Variants in STXBP5L observed in about 807,000 individuals in gnomAD.
STXBP5L encodes syntaxin-binding protein 5-like.
Under a neutral mutation model 144.5 loss-of-function variants are expected in STXBP5L, and 65 were observed. That is an observed-to-expected ratio of 0.45 (90% confidence interval 0.37 to 0.55). STXBP5L has a LOEUF of 0.55. Among genes scored for constraint, STXBP5L ranks in the 20% least tolerant of loss-of-function variants. STXBP5L has a pLI of 0.00. For synonymous variants in STXBP5L, 505 were observed against 469.6 expected (o/e 1.08, Z -0.97); for missense variants, 1,298 against 1,405.5 (o/e 0.92, Z 1.22).
At position 121,419,292 on chromosome 3, in the gene STXBP5L, A is replaced by G; in HGVS notation, c.*195A>G. On this transcript the variant is annotated 3_prime_UTR_variant, in exon 27 of 27. Coordinates refer to ENST00000471454, the MANE Select transcript of STXBP5L (RefSeq NM_001308330.2). ...AGGCTGGAGCCCTGGTTAAAATCCC[A>G]AAATACGGCTGAATTTGCCTTTTCC... 1 of 500,298 alleles carries G rather than the reference A, an allele frequency of 2.0e-6. No homozygotes were observed. Among genetic ancestry groups the G allele is most frequent in the Non-Finnish European group, 3.4e-6 (1 of 294,498 alleles). The allele number at this position is 500,298 out of a possible 1,614,324, so 31.0% of individuals were successfully genotyped here. A position where few individuals can be genotyped will look rare whatever the true frequency, so the allele number is the denominator to read the frequency against.
At chr3:121,123,048 T>C (rs971272969) in intron 7 of STXBP5L, among the ~76,000 whole-genome samples, 6 of 151,644 alleles carry the variant, frequency 4.0e-5, no homozygotes, top group South Asian at 2.1e-4. Context: ...AAAGATGATT[T>C]TAAGAGTTGA....
chr3:120,958,706 C>G (rs1051501783), intron 3 of STXBP5L, among the ~76,000 whole-genome samples: 39 of 152,002 alleles, frequency 2.6e-4, no homozygotes, highest in Middle Eastern at 3.2e-3. Flanking sequence ...ATTCAACAGC[C>G]CTTCATGCTA....
intron 3 of STXBP5L, among the ~76,000 whole-genome samples, chr3:121,034,271 C>A (rs1946594703): frequency 6.6e-6 from 1 of 151,992 alleles, no homozygotes; most frequent in Non-Finnish European, 1.5e-5. Context: ...TAAGTAATTT[C>A]TCATCCCTCA....
chr3:121,005,530 G>T (rs187551852), intron 3 of STXBP5L, among the ~76,000 whole-genome samples: 18,267 of 152,100 alleles, frequency 0.12, 1,153 homozygotes, highest in Non-Finnish European at 0.14. Flanking sequence ...GTTTTGAAGG[G>T]TTTTTTGTGT....
Position 121,298,925 on chromosome 3 carries a change from A to G in STXBP5L, c.2110+18969A>G, listed in dbSNP as rs530561399. Among the ~76,000 whole-genome samples, 7 of 152,334 alleles carry G rather than the reference A, an allele frequency of 4.6e-5. No homozygotes were observed. In the South Asian group the frequency reaches 6.2e-4, roughly 14 times the overall value. On this transcript the variant is annotated intron_variant, in intron 19 of 26. Transcript: ENST00000471454. ...GATTTCATGTTGTGTGTTTTTTACCATTGAATATATGTGTTGATTATATAT... is the reference window on the plus strand; with the variant it reads ...GATTTCATGTTGTGTGTTTTTTACCGTTGAATATATGTGTTGATTATATAT...
intron 9 of STXBP5L, among the ~76,000 whole-genome samples, chr3:121,191,656 C>T (rs191250206): frequency 2.0e-5 from 3 of 151,978 alleles, no homozygotes; most frequent in Admixed American, 2.0e-4. Context: ...TCTTCCTATC[C>T]GTGAGCATGG....
chr3:121,168,332 G>A (rs1054082315), intron 9 of STXBP5L, among the ~76,000 whole-genome samples: 10 of 152,210 alleles, frequency 6.6e-5, no homozygotes, highest in Non-Finnish European at 2.9e-5. Flanking sequence ...ACTTGATGGA[G>A]AATGAGTTTG....
intron 5 of STXBP5L, among the ~76,000 whole-genome samples, chr3:121,108,698 G>A (rs1376903006): frequency 1.3e-5 from 2 of 152,132 alleles, no homozygotes; most frequent in African/African-American, 2.4e-5. Flanking sequence ...TCTCTGCCAG[G>A]TTTTGGTATC....
intron 2 of STXBP5L, among the ~76,000 whole-genome samples, chr3:120,938,732 C>T (rs1005892742): frequency 5.3e-5 from 8 of 152,158 alleles, no homozygotes; most frequent in Non-Finnish European, 1.0e-4. Flanking sequence ...TCAGTCACAC[C>T]ATGTGTATTC....
At chr3:121,003,570 G>A (rs1344374974) in intron 3 of STXBP5L, among the ~76,000 whole-genome samples, 10 of 152,226 alleles carry the variant, frequency 6.6e-5, no homozygotes, top group African/African-American at 2.2e-4. Context: ...GATCCCATTT[G>A]TCAATTTTGG....
intron 3 of STXBP5L, among the ~76,000 whole-genome samples, chr3:120,978,616 G>A (rs574626461): frequency 1.3e-5 from 2 of 152,130 alleles, no homozygotes; most frequent in African/African-American, 2.4e-5. Flanking sequence ...AGGATGAGAG[G>A]CACTCTGCTT....
At chr3:120,974,739 C>T (rs1356192108) in intron 3 of STXBP5L, among the ~76,000 whole-genome samples, 1 of 152,106 alleles carries the variant, frequency 6.6e-6, no homozygotes, top group Non-Finnish European at 1.5e-5. Context: ...AGGAAGAGAT[C>T]CAGTTTCAGC....
intron 5 of STXBP5L, among the ~76,000 whole-genome samples, chr3:121,094,232 A>G (rs374548008): frequency 1.3e-5 from 2 of 152,124 alleles, no homozygotes; most frequent in African/African-American, 2.4e-5. Context: ...GTGGTGCTGA[A>G]AAAAATGTAT....
intron 3 of STXBP5L, among the ~76,000 whole-genome samples, chr3:120,991,966 A>G (rs1166450073): frequency 6.6e-6 from 1 of 152,208 alleles, no homozygotes; most frequent in Non-Finnish European, 1.5e-5. Flanking sequence ...TATAATAAAA[A>G]AAATCCATAT....
intron 3 of STXBP5L, among the ~76,000 whole-genome samples, chr3:121,028,327 C>G (rs1164389007): frequency 6.6e-6 from 1 of 152,020 alleles, no homozygotes; most frequent in East Asian, 1.9e-4. Context: ...TTTCTTTTCT[C>G]TAGTTGATAT....
intron 7 of STXBP5L, 141 bp from the exon 8 acceptor site, chr3:121,152,336 C>A (rs1288621775): frequency 1.7e-6 from 1 of 589,768 alleles, no homozygotes; most frequent in African/African-American, 2.0e-5. Flanking sequence ...ATGTAGAAAA[C>A]CTATATTCAA....
chr3:121,098,603 AC>A (rs1346103736), intron 5 of STXBP5L, among the ~76,000 whole-genome samples: 1 of 152,112 alleles, frequency 6.6e-6, no homozygotes, highest in African/African-American at 2.4e-5. Context: ...GGGGACACAC[AC>A]TCAAACCGTA....
intron 5 of STXBP5L, among the ~76,000 whole-genome samples, chr3:121,058,148 C>A (rs1380821498): frequency 1.3e-5 from 2 of 152,112 alleles, no homozygotes; most frequent in African/African-American, 2.4e-5. Context: ...CCCAACAGGA[C>A]CAGTGTGTGA....
chr3:121,083,156 G>A (rs569580256), intron 5 of STXBP5L, among the ~76,000 whole-genome samples: 67 of 151,104 alleles, frequency 4.4e-4, no homozygotes, highest in Non-Finnish European at 8.3e-4. Flanking sequence ...CCAAGATTTC[G>A]CCACTGCACT....
Sources: allele counts gnomAD v4.1 joint callset (sites outside exome capture counted in the v4.1 genomes callset), GRCh38; gene constraint gnomAD v4.1.1; transcripts MANE v1.5; gene names NCBI Gene and HGNC (gene_info 2026-07-23, HGNC 2026-07-21).